The following TMTC2 variants were observed in gnomAD, a reference collection of about 807,000 sequenced individuals.
TMTC2 encodes transmembrane O-mannosyltransferase targeting cadherins 2, also known as protein O-mannosyl-transferase TMTC2.
In TMTC2, 43 loss-of-function variants were observed where a neutral mutation model predicts 82.4. That is an observed-to-expected ratio of 0.52 (90% CI 0.41 to 0.67). The LOEUF (loss-of-function observed/expected upper bound fraction) is 0.67. Among genes scored for constraint, TMTC2 ranks in the 30% least tolerant of loss-of-function variants. The pLI is 0.00. For missense variants in TMTC2, 919 were observed against 1,012.4 expected (o/e 0.91, Z 1.25); for synonymous variants, 408 against 381.9 (o/e 1.07, Z -0.80).
chr12:82,875,363 C>T (rs560969837), intron 2 of TMTC2, among the ~76,000 whole-genome samples: 1 of 144,806 alleles, frequency 6.9e-6, no homozygotes, highest in East Asian at 1.9e-4. Flanking sequence ...TAAATTAAAT[C>T]ATATATGTGT....
chr12:82,951,729 A>G (rs1032860184), intron 4 of TMTC2, among the ~76,000 whole-genome samples: 11 of 152,238 alleles, frequency 7.2e-5, no homozygotes, highest in African/African-American at 2.4e-4. Flanking sequence ...TATGTATTCA[A>G]TTATGCCTTT....
chr12:82,784,631 C>T (rs942702153), intron 1 of TMTC2, among the ~76,000 whole-genome samples: 1 of 152,086 alleles, frequency 6.6e-6, no homozygotes, highest in African/African-American at 2.4e-5. Context: ...AAAGCCACCT[C>T]TATTTGTAGG....
intron 11 of TMTC2, among the ~76,000 whole-genome samples, chr12:83,065,855 G>A (rs750873951): frequency 2.4e-4 from 36 of 151,928 alleles, no homozygotes; most frequent in Admixed American, 6.6e-5. Context: ...TGAAGAATGG[G>A]AAATTTGCAT....
intron 9 of TMTC2, among the ~76,000 whole-genome samples, chr12:83,038,144 G>A (rs113585472): frequency 0.064 from 7,506 of 117,858 alleles, 273 homozygotes; most frequent in Middle Eastern, 0.12. Flanking sequence ...CTGTGGGGTG[G>A]GGGGAGGGGG....
chr12:83,002,782 AT>A (rs35975291), intron 8 of TMTC2, among the ~76,000 whole-genome samples: 6 of 148,058 alleles, frequency 4.1e-5, no homozygotes, highest in Admixed American at 2.0e-4. Flanking sequence ...TAAGATTTTG[AT>A]TTTTTTTTTT....
intron 6 of TMTC2, 129 bp downstream of exon 6, chr12:82,965,873 G>T: frequency 1.0e-6 from 1 of 954,576 alleles, no homozygotes; most frequent in African/African-American, 1.6e-5. Flanking sequence ...TTAAACTATT[G>T]TCCTTTGAGA....
chr12:82,754,274 T>A (rs1357921741), intron 1 of TMTC2, among the ~76,000 whole-genome samples: 4 of 152,190 alleles, frequency 2.6e-5, no homozygotes, highest in Non-Finnish European at 5.9e-5. Context: ...TTAAGAAAAC[T>A]GTTATTTTTT....
chr12:82,816,882 T>A (rs558034482), intron 1 of TMTC2, among the ~76,000 whole-genome samples: 12 of 152,190 alleles, frequency 7.9e-5, no homozygotes, highest in African/African-American at 2.2e-4. Context: ...GTAGAAATAG[T>A]TTAGGCTGAA....
At chr12:82,755,766 T>C (rs1480651335) in intron 1 of TMTC2, among the ~76,000 whole-genome samples, 1 of 152,230 alleles carries the variant, frequency 6.6e-6, no homozygotes, top group Non-Finnish European at 1.5e-5. Context: ...CACACCCTTG[T>C]AAGTTTAGTG....
intron 1 of TMTC2, among the ~76,000 whole-genome samples, chr12:82,696,963 CGTATAT>C (rs1872824026): frequency 8.2e-6 from 1 of 121,422 alleles, no homozygotes; most frequent in Admixed American, 8.5e-5. Context: ...TACATACATA[CGTATAT>C]ATATATATAT....
chr12:82,985,896 T>C, intron 7 of TMTC2, 29 bp from the exon 8 acceptor site: 1 of 1,607,990 alleles, frequency 6.2e-7, no homozygotes, highest in Non-Finnish European at 8.5e-7. Context: ...TATCCTCCCT[T>C]TGACCTTCAT....
chr12:82,703,961 G>A (rs1290500664), intron 1 of TMTC2, among the ~76,000 whole-genome samples: 1 of 152,116 alleles, frequency 6.6e-6, no homozygotes, highest in Non-Finnish European at 1.5e-5. Context: ...CTGAATTTTT[G>A]GCATGTGTTA....
rs1880787620 is a variant in TMTC2, at chr12:83,018,706, G to A, written c.2071-12092G>A. Among the ~76,000 whole-genome samples, 3 of 147,570 alleles carry A rather than the reference G, an allele frequency of 2.0e-5. No homozygotes were observed. The Admixed American group carries it at 2.1e-4, about 10-fold the overall frequency. On this transcript the variant is annotated intron_variant, in intron 8 of 11. Coordinates refer to ENST00000321196, the MANE Select transcript of TMTC2 (RefSeq NM_152588.3). ...ATGAGGAGGAGGTGTTACCAATTAT[G>A]GCAATGGCATGAAGCTCTGAGTATC...
chr12:82,744,581 T>TAAA (rs369793885), intron 1 of TMTC2, among the ~76,000 whole-genome samples: 1 of 115,520 alleles, frequency 8.7e-6, no homozygotes. Flanking sequence ...ACTCTGACTC[T>TAAA]AAAAAAAAAA....
intron 11 of TMTC2, among the ~76,000 whole-genome samples, chr12:83,090,266 G>T (rs980118869): frequency 1.3e-5 from 2 of 152,132 alleles, no homozygotes; most frequent in Non-Finnish European, 2.9e-5. Flanking sequence ...AAGGAGAAAA[G>T]AAAGAAACCA....
intron 2 of TMTC2, among the ~76,000 whole-genome samples, chr12:82,866,244 C>CAA (rs762068833): frequency 0.029 from 1,496 of 52,276 alleles, 32 homozygotes; most frequent in African/African-American, 0.083. Context: ...TTGAAAAGAT[C>CAA]AAAAAAAAAA....
chr12:82,867,148 C>T (rs1056642275), intron 2 of TMTC2, among the ~76,000 whole-genome samples: 36 of 152,112 alleles, frequency 2.4e-4, no homozygotes, highest in Non-Finnish European at 4.9e-4. Flanking sequence ...CCAGATGGCT[C>T]CTGTATGCTC....
chr12:83,025,389 T>C (rs938545457), intron 8 of TMTC2, among the ~76,000 whole-genome samples: 1 of 150,044 alleles, frequency 6.7e-6, no homozygotes, highest in Non-Finnish European at 1.5e-5. Context: ...ATAAATGTAT[T>C]ATATATATTT....
intron 7 of TMTC2, among the ~76,000 whole-genome samples, chr12:82,982,656 T>G (rs555137773): frequency 4.6e-5 from 7 of 152,074 alleles, no homozygotes; most frequent in African/African-American, 1.2e-4. Flanking sequence ...TTCTCTTAAT[T>G]CAATAGATAA....
Sources: allele counts gnomAD v4.1 joint callset (sites outside exome capture counted in the v4.1 genomes callset), GRCh38; gene constraint gnomAD v4.1.1; transcripts MANE v1.5; gene names NCBI Gene and HGNC (gene_info 2026-07-23, HGNC 2026-07-21).